The following DLGAP1 variants were observed in gnomAD, a reference collection of about 807,000 sequenced individuals.
DLGAP1 encodes DLG associated protein 1.
Under a neutral mutation model 90.8 loss-of-function variants are expected in DLGAP1, and 11 were observed. The ratio of observed to expected loss-of-function variants is 0.12; its 90% CI spans 0.08 to 0.20. The LOEUF is 0.20. Among genes scored for constraint, DLGAP1 ranks in the 10% least tolerant of loss-of-function variants. The probability of loss-of-function intolerance (pLI) is 1.00; values close to 1 mark genes in which losing one functional copy is unlikely to be tolerated. For missense variants in DLGAP1, 1,050 were observed against 1,333.8 expected, an observed-to-expected ratio of 0.79 and a Z score of 3.31; for synonymous variants, 558 against 540.7, an observed-to-expected ratio of 1.03 and a Z score of -0.44.
At chr18:4,137,420 A>C (rs907274036) in intron 2 of DLGAP1, among the ~76,000 whole-genome samples, 13 of 152,102 alleles carry the variant, frequency 8.5e-5, no homozygotes, top group Non-Finnish European at 1.3e-4. Context: ...CTTTGTTTTA[A>C]GGTATGAATT....
chr18:4,073,878 A>C (rs191769196), intron 2 of DLGAP1, among the ~76,000 whole-genome samples: 3 of 152,290 alleles, frequency 2.0e-5, no homozygotes, highest in East Asian at 3.9e-4. Flanking sequence ...TAAATACCAC[A>C]AACAACCAAT....
chr18:4,339,713 C>T lies in DLGAP1; in HGVS notation c.-267+115293G>A. 1.3e-5 allele frequency among the ~76,000 whole-genome samples: 2 copies of T among 152,104 alleles called. 1 individual carries two copies. Among genetic ancestry groups the T allele is most frequent in the Non-Finnish European group, 2.9e-5 (2 of 68,010 alleles). ...CCAATGCCAAGGAACTCTGAATCTT[C>T]CAGACTCAGTTATCCAAGATGGATT... On this transcript the variant is annotated intron_variant, in intron 1 of 12. Transcript: ENST00000315677.
At chr18:4,358,370 A>T (rs1186674094) in intron 1 of DLGAP1, among the ~76,000 whole-genome samples, 1 of 152,222 alleles carries the variant, frequency 6.6e-6, no homozygotes, top group African/African-American at 2.4e-5. Flanking sequence ...ATTAGTCCTG[A>T]GGGCAGAATG....
chr18:3,611,471 C>G (rs1356454603), intron 7 of DLGAP1, among the ~76,000 whole-genome samples: 5 of 152,216 alleles, frequency 3.3e-5, no homozygotes, highest in Non-Finnish European at 7.3e-5. Context: ...GCAGCTGTCT[C>G]CAGATTCCCT....
At chr18:3,714,551 C>G (rs1019014888) in intron 7 of DLGAP1, among the ~76,000 whole-genome samples, 13 of 151,622 alleles carry the variant, frequency 8.6e-5, no homozygotes, top group African/African-American at 2.4e-4. Flanking sequence ...GTTTGCTCAT[C>G]ATCTTGGGTT....
intron 3 of DLGAP1, among the ~76,000 whole-genome samples, chr18:3,900,375 G>C (rs955498853): frequency 6.6e-6 from 1 of 152,208 alleles, no homozygotes; most frequent in African/African-American, 2.4e-5. Context: ...ACAGATGTCT[G>C]TATTTCTGGG....
At chr18:3,833,329 G>C (rs182335830) in intron 4 of DLGAP1, among the ~76,000 whole-genome samples, 137 of 151,468 alleles carry the variant, frequency 9.0e-4, no homozygotes, top group Non-Finnish European at 1.6e-3. Context: ...GATCTTTCAG[G>C]CTCAAGCAAT....
intron 3 of DLGAP1, among the ~76,000 whole-genome samples, chr18:3,897,932 C>G (rs1049606029): frequency 2.0e-5 from 3 of 151,462 alleles, no homozygotes; most frequent in African/African-American, 4.8e-5. Context: ...GTAGCTGGGA[C>G]TACAGGCGCC....
chr18:3,746,925 A>T (rs980335270), intron 5 of DLGAP1, among the ~76,000 whole-genome samples: 1 of 152,226 alleles, frequency 6.6e-6, no homozygotes, highest in Non-Finnish European at 1.5e-5. Flanking sequence ...ACAGCCAAAA[A>T]CTATTCTTAA....
At chr18:3,558,422 G>A (rs2053883021) in intron 9 of DLGAP1, among the ~76,000 whole-genome samples, 3 of 152,008 alleles carry the variant, frequency 2.0e-5, no homozygotes, top group Admixed American at 2.0e-4. Flanking sequence ...TAGTAGAGAT[G>A]GGGTTTCACC....
intron 3 of DLGAP1, among the ~76,000 whole-genome samples, chr18:3,989,498 T>C (rs2073917315): frequency 6.6e-6 from 1 of 152,174 alleles, no homozygotes; most frequent in South Asian, 2.1e-4. Context: ...GGATGACAAA[T>C]GAATCCAAAC....
chr18:4,077,588 C>G (rs996066627), intron 2 of DLGAP1, among the ~76,000 whole-genome samples: 9 of 152,030 alleles, frequency 5.9e-5, no homozygotes, highest in African/African-American at 2.2e-4. Context: ...CCTGACCCAC[C>G]CTGCTTCCTC....
intron 1 of DLGAP1, among the ~76,000 whole-genome samples, chr18:4,217,753 T>A (rs2077988554): frequency 6.6e-6 from 1 of 152,130 alleles, no homozygotes; most frequent in Non-Finnish European, 1.5e-5. Flanking sequence ...GTACTTTGGA[T>A]ACAAATGCTT....
chr18:4,183,425 T>C (rs1448232753), intron 1 of DLGAP1, among the ~76,000 whole-genome samples: 1 of 152,144 alleles, frequency 6.6e-6, no homozygotes, highest in Non-Finnish European at 1.5e-5. Context: ...TTTCATTGTA[T>C]ATTATTTCTC....
chr18:3,704,158 C>T (rs574760883), intron 7 of DLGAP1, among the ~76,000 whole-genome samples: 6 of 152,190 alleles, frequency 3.9e-5, no homozygotes, highest in African/African-American at 1.4e-4. Flanking sequence ...GCGGGGCCCA[C>T]GGGAAGGGCT....
In DLGAP1 at chr18:3,710,546, C is replaced by G. The variant is rs895235152; in HGVS notation, c.1591+18589G>C. Among the ~76,000 whole-genome samples, 3 of 152,190 alleles carry G rather than the reference C, an allele frequency of 2.0e-5. No homozygotes were observed. The East Asian group carries it at 5.8e-4, about 29-fold the overall frequency. On this transcript the variant is annotated intron_variant, in intron 7 of 12. Coordinates refer to ENST00000315677, the MANE Select transcript of DLGAP1 (RefSeq NM_004746.4). The stretch of plus-strand genomic sequence containing the variant: ...AATGACTGTGGAGAGGAAAGCACAG[C>G]CCTCTTTTACTTATTTATTCCATAT...
intron 3 of DLGAP1, chr18:3,995,743 G>A (rs2074056726): frequency 6.7e-6 from 1 of 149,900 alleles, no homozygotes; most frequent in African/African-American, 2.4e-5. Flanking sequence ...AAACCACCAA[G>A]ATTTACTTTC....
chr18:3,607,123 G>C (rs1042481767), intron 7 of DLGAP1: 2 of 152,202 alleles, frequency 1.3e-5, no homozygotes, highest in African/African-American at 4.8e-5. Flanking sequence ...ATGAGCCATC[G>C]CGCCTGGCCT....
At chr18:3,948,902 C>A (rs1030686027) in intron 3 of DLGAP1, among the ~76,000 whole-genome samples, 5 of 151,776 alleles carry the variant, frequency 3.3e-5, no homozygotes, top group African/African-American at 1.2e-4. Flanking sequence ...ACCACCTGTT[C>A]CCCAAAAACC....
Sources: gnomAD v4.1 joint callset for allele counts (sites outside exome capture counted in the v4.1 genomes callset) on GRCh38, gnomAD v4.1.1 for gene constraint, MANE v1.5 for transcripts, NCBI Gene and HGNC (gene_info 2026-07-23, HGNC 2026-07-21) for gene names.